SPAG9: variants seen among roughly 807,000 people sequenced by gnomAD.
The protein encoded by SPAG9 is sperm associated antigen 9.
A neutral mutation model predicts 166.5 loss-of-function variants in SPAG9; 35 were observed. The observed-to-expected ratio is 0.21, with a 90% CI of 0.16 to 0.28. The LOEUF is 0.28. SPAG9 is among the 10% of genes least tolerant of loss of function. The pLI, the probability that SPAG9 is intolerant of heterozygous loss-of-function variation, is 1.00. For missense variants in SPAG9, 1,235 were observed against 1,603.3 expected, an observed-to-expected ratio of 0.77 and a Z score of 3.92; for synonymous variants, 534 against 565.5, an observed-to-expected ratio of 0.94 and a Z score of 0.79.
chr17:51,082,978 C>T (rs1019455450), intron 1 of SPAG9, among the ~76,000 whole-genome samples: 2 of 152,130 alleles, frequency 1.3e-5, no homozygotes, highest in African/African-American at 2.4e-5. Context: ...GGGACATCTG[C>T]CAGTTCTTAA....
At chr17:50,981,665 C>T (rs1168729062) in intron 25 of SPAG9, among the ~76,000 whole-genome samples, 1 of 151,142 alleles carries the variant, frequency 6.6e-6, no homozygotes, top group East Asian at 1.9e-4. Flanking sequence ...TTAAAATTTC[C>T]TGTATGCTTT....
At chr17:51,090,638 A>T (rs180904522) in intron 1 of SPAG9, among the ~76,000 whole-genome samples, 3 of 152,354 alleles carry the variant, frequency 2.0e-5, no homozygotes, top group Non-Finnish European at 4.4e-5. Context: ...AATTTAACAG[A>T]AGATGAAAGG....
chr17:51,014,404 T>C (rs2045614595), intron 8 of SPAG9, 51 bp from the exon 9 acceptor site: 3 of 1,558,022 alleles, frequency 1.9e-6, no homozygotes, highest in East Asian at 2.3e-5. Flanking sequence ...AAGACTTTTT[T>C]GACGCTGTAA....
At chr17:51,075,195 C>CAAAAAAAAAAAAAA (rs57533555) in intron 2 of SPAG9, among the ~76,000 whole-genome samples, 4 of 28,952 alleles carry the variant, frequency 1.4e-4, no homozygotes, top group Non-Finnish European at 1.9e-4. Flanking sequence ...GACTCCATCT[C>CAAAAAAAAAAAAAA]AAAAAAAAAA....
At position 51,001,838 on chromosome 17, in the gene SPAG9, A is replaced by G. The variant is rs767670229; in HGVS notation, c.1484T>C (p.Ile495Thr). The change falls in exon 13 of 30, where the codon ATT becomes ACT. Residue 495 changes from isoleucine (I) to threonine (T), a missense_variant. Physicochemically the swap from Ile to Thr is moderately conservative, Grantham distance 89. Around this residue, in one of 6 missense-constraint regions of SPAG9, gnomAD observed 125 missense variants for 194.0 expected, o/e 0.64. Transcript: ENST00000262013. ...QKAKDDDDSDIPTAQRKRFTR... is the reference protein window; with the variant it reads ...QKAKDDDDSDTPTAQRKRFTR... ...AAACCGTTTCCTCTGGGCTGTGGGAATATCACTCTATAATGACAAGAAAAT... is the reference window on the plus strand; with the variant it reads ...AAACCGTTTCCTCTGGGCTGTGGGAGTATCACTCTATAATGACAAGAAAAT... 1 of 1,612,486 alleles carries G rather than the reference A, an allele frequency of 6.2e-7. No homozygotes were observed. Among genetic ancestry groups the G allele is most frequent in the African/African-American group, 1.3e-5 (1 of 74,962 alleles).
intron 1 of SPAG9, among the ~76,000 whole-genome samples, chr17:51,092,408 T>C (rs1265475478): frequency 1.3e-5 from 2 of 152,156 alleles, no homozygotes; most frequent in Non-Finnish European, 2.9e-5. Flanking sequence ...TAGACTCTCT[T>C]GTTTAGATAC....
chr17:51,078,437 T>A (rs72826436), intron 2 of SPAG9, among the ~76,000 whole-genome samples: 10,718 of 152,262 alleles, frequency 0.07, 402 homozygotes, highest in Non-Finnish European at 0.089. Flanking sequence ...CCATCATGAA[T>A]GGCTGTACCT....
At chr17:51,071,988 C>T (rs1405972479) in intron 2 of SPAG9, among the ~76,000 whole-genome samples, 1 of 152,182 alleles carries the variant, frequency 6.6e-6, no homozygotes, top group Non-Finnish European at 1.5e-5. Flanking sequence ...ACTACAGGTA[C>T]TGCGAACAGT....
rs746475393 is a variant in SPAG9, at chr17:51,037,685, A to AGTGTGT, written c.741+3810_741+3815dup. 5.0e-3 allele frequency among the ~76,000 whole-genome samples: 421 copies of AGTGTGT among 83,478 alleles called. 18 individuals are homozygous for AGTGTGT. Among genetic ancestry groups the AGTGTGT allele is most frequent in the South Asian group, 0.029 (70 of 2,432 alleles). The allele number at this position is 83,478 out of a possible 152,430, so 54.8% of individuals were successfully genotyped here. A position where few individuals can be genotyped will look rare whatever the true frequency, so the allele number is the denominator to read the frequency against. On this transcript the variant is annotated intron_variant, in intron 5 of 29. Transcript: ENST00000262013. ...GTGTTTTATATATATATATATATAT[A>AGTGTGT]GTGTGTGTGTGTGTGTGTGTGTGTG...
At chr17:50,980,979 G>C (rs957443165) in intron 25 of SPAG9, among the ~76,000 whole-genome samples, 1 of 152,140 alleles carries the variant, frequency 6.6e-6, no homozygotes, top group Non-Finnish European at 1.5e-5. Flanking sequence ...TCTATCCTGG[G>C]TGACAGAGTG....
chr17:51,007,906 C>A, intron 9 of SPAG9: 5 of 423,840 alleles, frequency 1.2e-5, no homozygotes, highest in Non-Finnish European at 2.3e-5. Context: ...AAATGTTTTA[C>A]GTAAGAAACA....
intron 1 of SPAG9, among the ~76,000 whole-genome samples, chr17:51,089,898 G>A (rs1006347952): frequency 1.3e-5 from 2 of 150,796 alleles, no homozygotes; most frequent in African/African-American, 4.9e-5. Flanking sequence ...GGCTGGTCTC[G>A]AACTCCTGAC....
intron 13 of SPAG9, among the ~76,000 whole-genome samples, chr17:51,000,805 GT>G (rs2044912300): frequency 6.6e-6 from 1 of 151,870 alleles, no homozygotes; most frequent in African/African-American, 2.4e-5. Flanking sequence ...TCCACTTTCA[GT>G]TTTTTGAATA....
At chr17:51,113,081 T>C (rs775823207) in intron 1 of SPAG9, among the ~76,000 whole-genome samples, 6 of 150,688 alleles carry the variant, frequency 4.0e-5, no homozygotes, top group Non-Finnish European at 4.4e-5. Context: ...CTGCCGGGCG[T>C]GGTGGCTCAC....
chr17:50,997,787 T>C (rs1220608461), intron 15 of SPAG9, among the ~76,000 whole-genome samples: 1 of 152,098 alleles, frequency 6.6e-6, no homozygotes, highest in Non-Finnish European at 1.5e-5. Context: ...AAAGTCAGGA[T>C]GGAAAACCAA....
intron 9 of SPAG9, chr17:51,008,987 G>A: frequency 3.0e-6 from 1 of 331,712 alleles, no homozygotes; most frequent in Non-Finnish European, 5.8e-6. Context: ...CAAGCAGTTA[G>A]ATAAGCGTGG....
chr17:51,042,750 A>C (rs1426257003), intron 4 of SPAG9, among the ~76,000 whole-genome samples: 6 of 152,224 alleles, frequency 3.9e-5, no homozygotes, highest in African/African-American at 4.8e-5. Context: ...TAGTAAAACT[A>C]TCCCAATGCC....
chr17:50,984,416 G>A (rs1974873282), intron 24 of SPAG9, among the ~76,000 whole-genome samples: 1 of 152,202 alleles, frequency 6.6e-6, no homozygotes. Context: ...GCCGGGCACG[G>A]TGGCTCACGC....
At chr17:51,077,013 GCTAGCTATCTAGCTATCTAT>G (rs1397931639) in intron 2 of SPAG9, among the ~76,000 whole-genome samples, 1,732 of 62,872 alleles carry the variant, frequency 0.028, 108 homozygotes, top group Non-Finnish European at 0.04. Context: ...TAGCTAGCTA[GCTAGCTATCTAGCTATCTAT>G]CTAGCTATCT....
Sources: gnomAD v4.1 joint callset for allele counts (sites outside exome capture counted in the v4.1 genomes callset) on GRCh38, gnomAD v4.1.1 for gene constraint, gnomAD v4.1.1 regional missense constraint, MANE v1.5 for transcripts, NCBI Gene and HGNC (gene_info 2026-07-23, HGNC 2026-07-21) for gene names.